The following SBF2 variants were observed in gnomAD, a reference collection of about 807,000 sequenced individuals.
The protein encoded by SBF2 is SET binding factor 2.
In SBF2, 112 loss-of-function variants were observed where a neutral mutation model predicts 225.2. The observed-to-expected ratio is 0.50, with a 90% confidence interval of 0.43 to 0.58. The LOEUF is 0.58. SBF2 is among the 20% of genes least tolerant of loss of function. SBF2 has a pLI of 0.00. For synonymous variants in SBF2, 763 were observed against 773.3 expected (o/e 0.99, Z 0.22); for missense variants, 1,996 against 2,206.2 (o/e 0.90, Z 1.91).
chr11:10,177,532 T>C (rs1210649413), intron 2 of SBF2, among the ~76,000 whole-genome samples: 1 of 149,612 alleles, frequency 6.7e-6, no homozygotes, highest in Admixed American at 6.7e-5. Flanking sequence ...ATCACAAGCA[T>C]TCTTATACAC....
At chr11:10,184,877 C>G (rs1166251778) in intron 2 of SBF2, among the ~76,000 whole-genome samples, 1 of 152,194 alleles carries the variant, frequency 6.6e-6, no homozygotes, top group Non-Finnish European at 1.5e-5. Context: ...CAGGCGCCCA[C>G]CACCACGCCC....
intron 19 of SBF2, among the ~76,000 whole-genome samples, chr11:9,856,030 T>C (rs60528623): frequency 0.029 from 4,390 of 152,264 alleles, 215 homozygotes; most frequent in African/African-American, 0.099. Flanking sequence ...GGGTTTTAGT[T>C]TCAGTGGTAT....
At chr11:10,235,527 CAAAA>C (rs797015174) in intron 1 of SBF2, among the ~76,000 whole-genome samples, 1 of 80,570 alleles carries the variant, frequency 1.2e-5, no homozygotes, top group African/African-American at 4.5e-5. Context: ...GACTCCATCT[CAAAA>C]AAAAAAAAAA....
At chr11:10,206,799 C>T (rs1422898860) in intron 1 of SBF2, among the ~76,000 whole-genome samples, 4 of 151,748 alleles carry the variant, frequency 2.6e-5, no homozygotes, top group Non-Finnish European at 5.9e-5. Flanking sequence ...GTCTGAACAA[C>T]GGAGAGAAAA....
At chr11:9,944,436 C>A (rs1464742648) in intron 16 of SBF2, among the ~76,000 whole-genome samples, 1 of 152,096 alleles carries the variant, frequency 6.6e-6, no homozygotes, top group African/African-American at 2.4e-5. Context: ...GAAAACAATA[C>A]CAAGTTGAGA....
At chr11:10,037,040 G>T (rs1949462927) in intron 3 of SBF2, among the ~76,000 whole-genome samples, 1 of 152,098 alleles carries the variant, frequency 6.6e-6, no homozygotes. Flanking sequence ...TAAGCATGTT[G>T]CACCAATTAA....
At chr11:10,100,738 G>A (rs1056890511) in intron 2 of SBF2, among the ~76,000 whole-genome samples, 2 of 152,060 alleles carry the variant, frequency 1.3e-5, no homozygotes, top group Non-Finnish European at 2.9e-5. Flanking sequence ...GCCCCATGGT[G>A]GAGTATCCGT....
chr11:10,050,530 A>ATTAG (rs1206822853), intron 2 of SBF2, among the ~76,000 whole-genome samples: 1 of 152,190 alleles, frequency 6.6e-6, no homozygotes, highest in Non-Finnish European at 1.5e-5. Context: ...AATAAAATAT[A>ATTAG]ACAATTATGA....
chr11:10,074,866 C>T (rs1181707955), intron 2 of SBF2, among the ~76,000 whole-genome samples: 3 of 152,014 alleles, frequency 2.0e-5, no homozygotes, highest in African/African-American at 4.8e-5. Context: ...CTAAATATAG[C>T]CAATGTTAAT....
chr11:10,158,445 G>A (rs1955576187), intron 2 of SBF2, among the ~76,000 whole-genome samples: 1 of 151,936 alleles, frequency 6.6e-6, no homozygotes, highest in Admixed American at 6.6e-5. Flanking sequence ...AGCCAGACTA[G>A]GAAAAGAGAA....
intron 1 of SBF2, among the ~76,000 whole-genome samples, chr11:10,232,814 A>C (rs976429142): frequency 4.6e-5 from 7 of 152,204 alleles, no homozygotes; most frequent in Non-Finnish European, 8.8e-5. Context: ...CTAAATATGA[A>C]GCCTATTTTC....
At chr11:10,063,856 C>CAGAGAGAGAGAGAG (rs1487944368) in intron 2 of SBF2, among the ~76,000 whole-genome samples, 1 of 125,610 alleles carries the variant, frequency 8.0e-6, no homozygotes, top group African/African-American at 3.0e-5. Flanking sequence ...CACACACACA[C>CAGAGAGAGAGAGAG]ACAGAGAGAG....
chr11:9,869,965 G>A (rs1858584021), intron 17 of SBF2, among the ~76,000 whole-genome samples: 2 of 152,154 alleles, frequency 1.3e-5, no homozygotes, highest in Admixed American at 6.5e-5. Context: ...CACTGTCTCA[G>A]CCCAAAAGCT....
intron 17 of SBF2, among the ~76,000 whole-genome samples, chr11:9,860,397 T>C (rs1236702681): frequency 1.3e-5 from 2 of 151,746 alleles, no homozygotes; most frequent in Non-Finnish European, 2.9e-5. Flanking sequence ...CTAGTAGCTG[T>C]AGTAGCTGGG....
rs1282776476 is a variant in SBF2, at chr11:9,842,833, C to T, written c.3111-63G>A. 4 of 1,535,152 alleles carry T rather than the reference C, an allele frequency of 2.6e-6. No homozygotes were observed. In the Admixed American group the frequency reaches 6.7e-5, roughly 26 times the overall value. On this transcript the variant is annotated intron_variant, in intron 24 of 39. Transcript: ENST00000256190. The stretch of plus-strand genomic sequence containing the variant: ...ATAAAAGCACTACTTGTATTGTTGA[C>T]ACCTACTTAGCTCAAATTGTTTCTT...
chr11:9,900,291 C>G (rs1449308285), intron 16 of SBF2, among the ~76,000 whole-genome samples: 1 of 152,148 alleles, frequency 6.6e-6, no homozygotes, highest in African/African-American at 2.4e-5. Flanking sequence ...TCTTTGCCTT[C>G]TACTTTTAAA....
intron 2 of SBF2, chr11:10,149,130 T>C (rs951769668): frequency 2.0e-5 from 3 of 152,430 alleles, no homozygotes; most frequent in Non-Finnish European, 4.4e-5. Context: ...AATTACTTTT[T>C]ATCATTCTCA....
intron 6 of SBF2, among the ~76,000 whole-genome samples, chr11:10,026,456 T>G (rs867932103): frequency 6.6e-6 from 1 of 152,154 alleles, no homozygotes; most frequent in African/African-American, 2.4e-5. Flanking sequence ...CCAGGCTGCA[T>G]GCAGTGGCTC....
At chr11:10,198,755 T>C (rs1957469778) in intron 1 of SBF2, among the ~76,000 whole-genome samples, 1 of 152,238 alleles carries the variant, frequency 6.6e-6, no homozygotes, top group African/African-American at 2.4e-5. Context: ...AGCTTCTACA[T>C]AAGCACTTGC....
Sources: allele counts gnomAD v4.1 joint callset (sites outside exome capture counted in the v4.1 genomes callset), GRCh38; gene constraint gnomAD v4.1.1; transcripts MANE v1.5; gene names NCBI Gene and HGNC (gene_info 2026-07-23, HGNC 2026-07-21).